The following UBA5 variants were observed in gnomAD, a reference collection of about 807,000 sequenced individuals.
The protein encoded by UBA5 is ubiquitin-like modifier-activating enzyme 5.
Under a neutral mutation model 52.9 loss-of-function variants are expected in UBA5, and 28 were observed. The observed-to-expected ratio is 0.53, with a 90% CI of 0.39 to 0.73. The LOEUF (loss-of-function observed/expected upper bound fraction) is 0.73. Among genes scored for constraint, UBA5 ranks in the 30% least tolerant of loss-of-function variants. The pLI is 0.00. For synonymous variants in UBA5, 135 were observed against 162.1 expected, an observed-to-expected ratio of 0.83 and a Z score of 1.27; for missense variants, 388 against 492.7, an observed-to-expected ratio of 0.79 and a Z score of 2.01.
At chr3:132,674,549 A>C (rs1402553131) in intron 8 of UBA5, among the ~76,000 whole-genome samples, 1 of 152,108 alleles carries the variant, frequency 6.6e-6, no homozygotes, top group Admixed American at 6.5e-5. Flanking sequence ...AAAATTAGCC[A>C]AGCGTGGTGG....
chr3:132,662,184 C>T (rs1244650556), intron 1 of UBA5, among the ~76,000 whole-genome samples: 1 of 152,168 alleles, frequency 6.6e-6, no homozygotes, highest in Non-Finnish European at 1.5e-5. Context: ...CTGATTTGCA[C>T]CATTGACTTT....
intron 1 of UBA5, among the ~76,000 whole-genome samples, chr3:132,662,575 T>C (rs1024023403): frequency 2.0e-5 from 3 of 152,228 alleles, no homozygotes; most frequent in Non-Finnish European, 4.4e-5. Context: ...GGGATATGTA[T>C]GTGTTCAACA....
In UBA5 at chr3:132,676,565, C is replaced by A; in HGVS notation, c.*39C>A. On this transcript the variant is annotated 3_prime_UTR_variant, in exon 12 of 12. Coordinates refer to ENST00000356232, the MANE Select transcript of UBA5 (RefSeq NM_024818.6). The surrounding 1 kb of genome is among the most constrained non-coding windows in gnomAD (Gnocchi z 4.1). ...ATATATTGTATTTCTCATGTTAAAGCCTCTTCCCTTGAAATTAAAAAAAAA... is the reference window on the plus strand; with the variant it reads ...ATATATTGTATTTCTCATGTTAAAGACTCTTCCCTTGAAATTAAAAAAAAA... 6.8e-7 allele frequency: 1 copy of A among 1,480,044 alleles called. No homozygotes were observed. The highest frequency in any genetic ancestry group is 1.2e-5 in the South Asian group (1 of 81,580). The allele number at this position is 1,480,044 out of a possible 1,614,324, so 91.7% of individuals were successfully genotyped here. A position where few individuals can be genotyped will look rare whatever the true frequency, so the allele number is the denominator to read the frequency against.
chr3:132,669,249 C>T (rs982158632), intron 4 of UBA5, among the ~76,000 whole-genome samples: 4 of 152,066 alleles, frequency 2.6e-5, no homozygotes, highest in African/African-American at 9.7e-5. Flanking sequence ...GAATTTCATA[C>T]AATTTTTAAT....
chr3:132,658,867 G>A (rs1937967256), upstream of UBA5, among the ~76,000 whole-genome samples: 1 of 152,138 alleles, frequency 6.6e-6, no homozygotes, highest in African/African-American at 2.4e-5. Context: ...AATCAAAATA[G>A]GTATTACAAC....
chr3:132,665,786 A>G, intron 1 of UBA5, 37 bp from the exon 2 acceptor site: 2 of 1,597,402 alleles, frequency 1.3e-6, no homozygotes, highest in Non-Finnish European at 8.6e-7. Context: ...TACCTAAAAG[A>G]CTGTAAGCTT....
rs12635575 is a variant in UBA5, at chr3:132,675,940, A to T, written c.1131+17A>T. The T allele has an allele frequency of 0.17, 245,072 of 1,455,748 alleles. 27,994 individuals carry two copies. The highest frequency in any genetic ancestry group is 0.59 in the East Asian group (25,966 of 44,004). 90.2% of individuals were successfully genotyped at this position (1,455,748 alleles called of 1,614,324 possible). A position where few individuals can be genotyped will look rare whatever the true frequency, so the allele number is the denominator to read the frequency against. ...CCAAAAAAGGTACTTCAAAAATATG[A>T]TTTACCCATATGTAAATATCATATA... On this transcript the variant is annotated intron_variant, in intron 11 of 11. Coordinates refer to ENST00000356232, the MANE Select transcript of UBA5 (RefSeq NM_024818.6).
At position 132,676,733 on chromosome 3, in the gene UBA5, T is replaced by G. The variant is rs1938856193; in HGVS notation, c.*207T>G. The G allele has an allele frequency of 1.7e-6, 1 of 605,066 alleles. No homozygotes were observed. The allele number at this position is 605,066 out of a possible 1,614,324, so 37.5% of individuals were successfully genotyped here. On this transcript the variant is annotated 3_prime_UTR_variant, in exon 12 of 12. Coordinates refer to ENST00000356232, the MANE Select transcript of UBA5 (RefSeq NM_024818.6). This position sits in a 1 kb window ranked among gnomAD's most constrained non-coding sequence, Gnocchi z 4.1. ...TCTCCTAAAATGTGTTTCATTCTAGTAAGAAAACCTCAAAGGATATTGTAG... is the reference window on the plus strand; with the variant it reads ...TCTCCTAAAATGTGTTTCATTCTAGGAAGAAAACCTCAAAGGATATTGTAG...
In UBA5 at chr3:132,665,229, G is replaced by A. The variant is rs187159812; in HGVS notation, c.162-594G>A. ...GTAATGGACTTAAAAGTGAGGGAGA[G>A]GAAAATGGGGGTGGAGGCTGAATTT... On this transcript the variant is annotated intron_variant, in intron 1 of 11. Coordinates refer to ENST00000356232, the MANE Select transcript of UBA5 (RefSeq NM_024818.6). Among the ~76,000 whole-genome samples, 653 of 152,112 alleles carry A rather than the reference G, an allele frequency of 4.3e-3. 2 individuals carry two copies. The highest frequency in any genetic ancestry group is 6.5e-3 in the Non-Finnish European group (442 of 67,918).
intron 1 of UBA5, among the ~76,000 whole-genome samples, chr3:132,663,584 G>A (rs1373210687): frequency 6.6e-6 from 1 of 152,142 alleles, no homozygotes; most frequent in Non-Finnish European, 1.5e-5. Flanking sequence ...TAGGGAATCT[G>A]ATAGAGCCAA....
chr3:132,660,987 C>T lies in UBA5; in HGVS notation c.161+289C>T, dbSNP rs1338461046. On this transcript the variant is annotated intron_variant, in intron 1 of 11. Transcript: ENST00000356232. This position sits in a 1 kb window ranked among gnomAD's most constrained non-coding sequence, Gnocchi z 4.1. ...CTTGCCTCTTAATTAGTCCGCCTCG[C>T]TGTGTATAAGACTGATAGTAAGAAC... 20 of 1,461,756 alleles carry T rather than the reference C, an allele frequency of 1.4e-5. No homozygotes were observed. The highest frequency in any genetic ancestry group is 1.8e-5 in the Non-Finnish European group (20 of 1,100,446). The allele number at this position is 1,461,756 out of a possible 1,614,324, so 90.5% of individuals were successfully genotyped here.
In UBA5 at chr3:132,677,431, A is replaced by G. The variant is rs1241039912; in HGVS notation, c.*905A>G. ...TGTCCTGTATATTAGGAATAAAGGA[A>G]AAGTTCTAAACTGCCTCTGCAATGA... On this transcript the variant is annotated 3_prime_UTR_variant, in exon 12 of 12. Coordinates refer to ENST00000356232, the MANE Select transcript of UBA5 (RefSeq NM_024818.6). The G allele has an allele frequency of 6.6e-6, 1 of 152,478 alleles. No individual in the cohort carries two copies. Among genetic ancestry groups the G allele is most frequent in the African/African-American group, 2.4e-5 (1 of 41,466 alleles). 9.4% of individuals were successfully genotyped at this position (152,478 alleles called of 1,614,324 possible). A position where few individuals can be genotyped will look rare whatever the true frequency, so the allele number is the denominator to read the frequency against.
rs557972590 is a variant in UBA5 at position 132,670,720 on chromosome 3, T to C, written c.495-245T>C. ...AACTGTTGTGAACATACTTTATACTTCCTTCACCCTTGTAGTTCTTGTAAA... is the reference window on the plus strand; with the variant it reads ...AACTGTTGTGAACATACTTTATACTCCCTTCACCCTTGTAGTTCTTGTAAA... On this transcript the variant is annotated intron_variant, in intron 5 of 11. Transcript: ENST00000356232. 8 of 293,820 alleles carry C rather than the reference T, an allele frequency of 2.7e-5. No individual in the cohort carries two copies. The South Asian group carries it at 5.5e-4, about 20-fold the overall frequency. 18.2% of individuals were successfully genotyped at this position (293,820 alleles called of 1,614,324 possible). A position where few individuals can be genotyped will look rare whatever the true frequency, so the allele number is the denominator to read the frequency against.
chr3:132,678,292 T>A lies in UBA5; in HGVS notation c.*1766T>A, dbSNP rs1938918154. ...ATGTTGCTATCCTAGAATACTCTCTTGACAGTCTGTATGCCATGAAAACTT... is the reference window on the plus strand; with the variant it reads ...ATGTTGCTATCCTAGAATACTCTCTAGACAGTCTGTATGCCATGAAAACTT... On this transcript the variant is annotated 3_prime_UTR_variant, in exon 12 of 12. Transcript: ENST00000356232. Among the ~76,000 whole-genome samples, 1 of 152,202 alleles carries A rather than the reference T, an allele frequency of 6.6e-6. No individual in the cohort carries two copies. The highest frequency in any genetic ancestry group is 6.5e-5 in the Admixed American group (1 of 15,272).
At chr3:132,675,161 T>C in intron 8 of UBA5, 87 bp from the exon 9 acceptor site, 1 of 973,704 alleles carries the variant, frequency 1.0e-6, no homozygotes, top group South Asian at 1.8e-5. Flanking sequence ...TAATTACCTA[T>C]TTCAACGTTA....
intron 7 of UBA5, 71 bp downstream of exon 7, chr3:132,671,952 T>C (rs1938623407): frequency 1.9e-6 from 3 of 1,599,118 alleles, no homozygotes; most frequent in Non-Finnish European, 2.6e-6. Flanking sequence ...TGAAAATGTA[T>C]TACAATTCAA....
At chr3:132,667,269 T>C (rs1938415943) in intron 3 of UBA5, 1 of 152,222 alleles carries the variant, frequency 6.6e-6, no homozygotes, top group Non-Finnish European at 1.5e-5. Context: ...CTTGCATCTC[T>C]AACAAGCTTC....
chr3:132,668,083 A>G (rs1016581348), intron 3 of UBA5: 2 of 151,972 alleles, frequency 1.3e-5, no homozygotes, highest in African/African-American at 4.8e-5. Context: ...ACAGAATTTC[A>G]TATGAAGAAG....
In UBA5 at chr3:132,675,378, T is replaced by C. The variant is rs1292664527; in HGVS notation, c.943T>C (p.Tyr315His). 1 of 1,613,530 alleles carries C rather than the reference T, an allele frequency of 6.2e-7. No homozygotes were observed. ...AAATTGCAGGAAGCAGCAGGAGGAATATAAGGTATATGACAATCTGTTAGA... is the reference window on the plus strand; with the variant it reads ...AAATTGCAGGAAGCAGCAGGAGGAACATAAGGTATATGACAATCTGTTAGA... ...DRNCRKQQEE[Y>H]KKKVAALPKQ... The change falls in exon 9 of 12, where the codon TAT becomes CAT. Residue 315 changes from tyrosine (Y) to histidine (H), a missense_variant. Physicochemically the swap from Tyr to His is moderately conservative, Grantham distance 83. Transcript: ENST00000356232.
Sources: gnomAD v4.1 joint callset for allele counts (sites outside exome capture counted in the v4.1 genomes callset) on GRCh38, gnomAD v4.1.1 for gene constraint, Gnocchi (gnomAD v3.1) non-coding constraint, MANE v1.5 for transcripts, NCBI Gene and HGNC (gene_info 2026-07-23, HGNC 2026-07-21) for gene names.